CSMD1: variants seen among roughly 807,000 people sequenced by gnomAD.
CSMD1 encodes the protein CUB and sushi domain-containing protein 1.
In CSMD1, 213 loss-of-function variants were observed where a neutral mutation model predicts 417.5. The observed-to-expected ratio is 0.51, with a 90% confidence interval of 0.46 to 0.57. The LOEUF is 0.57. Among genes scored for constraint, CSMD1 ranks in the 20% least tolerant of loss-of-function variants. CSMD1 has a pLI of 0.00. For synonymous variants in CSMD1, 2,862 were observed against 1,736.8 expected (o/e 1.65, Z -16.11); for missense variants, 6,923 against 4,529.7 (o/e 1.53, Z -15.17).
At chr8:2,991,024 C>T (rs1806339466) in intron 54 of CSMD1, among the ~76,000 whole-genome samples, 1 of 152,184 alleles carries the variant, frequency 6.6e-6, no homozygotes, top group Non-Finnish European at 1.5e-5. Flanking sequence ...GAATTGACTG[C>T]TGCTGCAGAT....
chr8:4,446,346 G>C (rs1051614869), intron 2 of CSMD1, among the ~76,000 whole-genome samples: 6 of 152,102 alleles, frequency 3.9e-5, no homozygotes, highest in African/African-American at 1.4e-4. Context: ...CCAGGAGTTT[G>C]AAACCAGCCT....
Position 4,794,054 on chromosome 8 carries a change from G to A in CSMD1, c.86-156496C>T, listed in dbSNP as rs533669127. On this transcript the variant is annotated intron_variant, in intron 1 of 69. Transcript: ENST00000635120. ...TATCTTAGTGCTCTTGAAATAATTT[G>A]CCTTAAGGTTGGATTTATATTTTTC... Among the ~76,000 whole-genome samples the A allele has an allele frequency of 2.0e-5, 3 of 152,208 alleles. No individual in the cohort carries two copies. In the East Asian group the frequency reaches 5.8e-4, roughly 29 times the overall value.
At chr8:2,998,473 C>A (rs1807109667) in intron 53 of CSMD1, among the ~76,000 whole-genome samples, 1 of 152,062 alleles carries the variant, frequency 6.6e-6, no homozygotes, top group Admixed American at 6.6e-5. Flanking sequence ...GACAGAATAC[C>A]AAATGATTTA....
chr8:4,199,046 C>G (rs1585007978), intron 3 of CSMD1, among the ~76,000 whole-genome samples: 1 of 152,134 alleles, frequency 6.6e-6, no homozygotes, highest in Admixed American at 6.5e-5. Flanking sequence ...GAGCTCTCAT[C>G]CTCTGCAGTC....
chr8:4,917,833 G>A (rs1181187084), intron 1 of CSMD1, among the ~76,000 whole-genome samples: 1 of 147,242 alleles, frequency 6.8e-6, no homozygotes, highest in East Asian at 1.9e-4. Flanking sequence ...TGGTTCAGAT[G>A]GAGGAGGAGA....
chr8:2,987,070 T>C (rs1404091478), intron 54 of CSMD1, among the ~76,000 whole-genome samples: 1 of 152,134 alleles, frequency 6.6e-6, no homozygotes, highest in African/African-American at 2.4e-5. Flanking sequence ...TTACAACTAA[T>C]TCTTAATGGT....
At chr8:4,035,480 T>C (rs943316379) in intron 3 of CSMD1, among the ~76,000 whole-genome samples, 2 of 136,532 alleles carry the variant, frequency 1.5e-5, no homozygotes, top group African/African-American at 7.1e-5. Context: ...TCCTAGGAGA[T>C]GAAAGCTCCA....
At chr8:3,420,700 T>A (rs1363484747) in intron 12 of CSMD1, among the ~76,000 whole-genome samples, 2 of 152,302 alleles carry the variant, frequency 1.3e-5, no homozygotes, top group South Asian at 2.1e-4. Context: ...AACTTTTGGG[T>A]CTTAATACCT....
intron 3 of CSMD1, among the ~76,000 whole-genome samples, chr8:4,049,667 A>G (rs548967571): frequency 6.6e-6 from 1 of 152,262 alleles, no homozygotes; most frequent in East Asian, 1.9e-4. Flanking sequence ...CGACAAGCAT[A>G]GGTATAGATA....
intron 1 of CSMD1, among the ~76,000 whole-genome samples, chr8:4,765,433 G>A (rs1189270269): frequency 6.6e-6 from 1 of 152,198 alleles, no homozygotes. Context: ...ACTGTATACT[G>A]TTTCAAAGCG....
intron 1 of CSMD1, among the ~76,000 whole-genome samples, chr8:4,650,428 T>G (rs1197972184): frequency 6.6e-6 from 1 of 151,492 alleles, no homozygotes; most frequent in Non-Finnish European, 1.5e-5. Flanking sequence ...GATCTTCAGC[T>G]AAATTTCTAC....
At chr8:3,666,931 G>A (rs1297650667) in intron 7 of CSMD1, among the ~76,000 whole-genome samples, 3 of 152,150 alleles carry the variant, frequency 2.0e-5, no homozygotes, top group African/African-American at 4.8e-5. Flanking sequence ...GATTTACCAG[G>A]TGTAAGAGAT....
intron 3 of CSMD1, among the ~76,000 whole-genome samples, chr8:4,209,288 C>G (rs1013896336): frequency 2.0e-5 from 3 of 152,188 alleles, no homozygotes; most frequent in East Asian, 1.9e-4. Context: ...CATTTCACAG[C>G]TTGCTCTTCA....
At position 4,218,148 on chromosome 8, in the gene CSMD1, T is replaced by A. The variant is rs188678706; in HGVS notation, c.416-186049A>T. ...CAGCAGGGTATAAGTAACTCCTACATGCTGAACGTTCTAGTAATGGAACAC... is the reference window on the plus strand; with the variant it reads ...CAGCAGGGTATAAGTAACTCCTACAAGCTGAACGTTCTAGTAATGGAACAC... On this transcript the variant is annotated intron_variant, in intron 3 of 69. Coordinates refer to ENST00000635120, the MANE Select transcript of CSMD1 (RefSeq NM_033225.6). Among the ~76,000 whole-genome samples, 235 of 152,320 alleles carry A rather than the reference T, an allele frequency of 1.5e-3. 1 individual carries two copies. Among genetic ancestry groups the A allele is most frequent in the African/African-American group, 5.6e-3 (232 of 41,576 alleles).
intron 12 of CSMD1, among the ~76,000 whole-genome samples, chr8:3,434,443 C>G (rs766410206): frequency 3.3e-5 from 5 of 152,242 alleles, no homozygotes; most frequent in Admixed American, 2.0e-4. Context: ...TCCATACAAG[C>G]CTATATTAAA....
At chr8:4,012,054 C>T (rs1203448914) in intron 4 of CSMD1, among the ~76,000 whole-genome samples, 5 of 152,004 alleles carry the variant, frequency 3.3e-5, no homozygotes, top group Non-Finnish European at 5.9e-5. Flanking sequence ...ATGGTCGGTA[C>T]AGATGCAGCC....
intron 16 of CSMD1, among the ~76,000 whole-genome samples, chr8:3,396,923 T>C (rs990701118): frequency 6.6e-6 from 1 of 152,148 alleles, no homozygotes; most frequent in African/African-American, 2.4e-5. Context: ...AATAACTCTT[T>C]CAAGACATTA....
At chr8:4,244,270 C>G (rs961104658) in intron 3 of CSMD1, among the ~76,000 whole-genome samples, 2 of 152,134 alleles carry the variant, frequency 1.3e-5, no homozygotes, top group African/African-American at 2.4e-5. Context: ...GCACTGAGAG[C>G]AGGCCCCCGG....
intron 3 of CSMD1, among the ~76,000 whole-genome samples, chr8:4,109,302 ATTT>A (rs891684955): frequency 6.6e-6 from 1 of 151,872 alleles, no homozygotes; most frequent in Admixed American, 6.6e-5. Context: ...GAGCAGCTGT[ATTT>A]TTTTTCTATA....
Sources: allele counts gnomAD v4.1 joint callset (sites outside exome capture counted in the v4.1 genomes callset), GRCh38; gene constraint gnomAD v4.1.1; transcripts MANE v1.5; gene names NCBI Gene and HGNC (gene_info 2026-07-23, HGNC 2026-07-21).